Variants in ZNF536 observed in about 807,000 individuals in gnomAD.
ZNF536 encodes zinc finger protein 536.
Under a neutral mutation model 84.5 loss-of-function variants are expected in ZNF536, and 13 were observed. The observed-to-expected ratio is 0.15, with a 90% CI of 0.10 to 0.24. The LOEUF (loss-of-function observed/expected upper bound fraction) is 0.24, where lower values mean the gene tolerates loss of function less well. ZNF536 is among the 10% of genes least tolerant of loss of function. The pLI is 1.00. For synonymous variants in ZNF536, 811 were observed against 742.5 expected, an observed-to-expected ratio of 1.09 and a Z score of -1.50; for missense variants, 1,536 against 1,747.5, an observed-to-expected ratio of 0.88 and a Z score of 2.16.
intron 1 of ZNF536, among the ~76,000 whole-genome samples, chr19:30,702,146 T>C (rs1186220479): frequency 6.6e-6 from 1 of 152,236 alleles, no homozygotes; most frequent in Non-Finnish European, 1.5e-5. Flanking sequence ...AGGCATTTTC[T>C]ACTCCCCCTT....
rs201307161 is a variant in ZNF536 at position 30,564,223 on chromosome 19, T to C, written c.169+14709T>C. On this transcript the variant is annotated intron_variant, in intron 1 of 1. Transcript: ENST00000592773. ...GTTGGCACATGCCTGTGCTCCCAGC[T>C]ACTCAGGAGGCTGAGGCAGGAGGAT... 3.9e-5 allele frequency among the ~76,000 whole-genome samples: 6 copies of C among 152,034 alleles called. No individual in the cohort carries two copies. In the East Asian group the frequency reaches 9.7e-4, roughly 25 times the overall value.
intron 1 of ZNF536, among the ~76,000 whole-genome samples, chr19:30,383,540 G>GC (rs11398660): frequency 1 from 151,877 of 151,882 alleles, 75,936 homozygotes; most frequent in Middle Eastern, 1. Context: ...CATGCCTGTG[G>GC]CCCAGGGCCT....
At chr19:30,588,121 C>T (rs1168862748) in intron 1 of ZNF536, among the ~76,000 whole-genome samples, 2 of 152,222 alleles carry the variant, frequency 1.3e-5, no homozygotes. Context: ...TGCTTTGAAT[C>T]ACAGATGCAC....
rs754329655 is a variant in ZNF536 at position 30,557,108 on chromosome 19, G to A, written c.3896-49G>A. 3.7e-6 allele frequency: 6 copies of A among 1,611,208 alleles called. No individual in the cohort carries two copies. The Admixed American group carries it at 5.0e-5, about 13-fold the overall frequency. ...CTGCCCTTGCTTTCAAATGCCTCTA[G>A]CCCTGATGGTTTCTGGATTATTTAA... On this transcript the variant is annotated intron_variant, in intron 4 of 4. Transcript: ENST00000355537.
At chr19:30,392,325 A>C (rs2049627961) in intron 1 of ZNF536, among the ~76,000 whole-genome samples, 1 of 152,136 alleles carries the variant, frequency 6.6e-6, no homozygotes, top group Admixed American at 6.5e-5. Context: ...TAAAATATGA[A>C]GGGAGGTTAG....
intron 2 of ZNF536, among the ~76,000 whole-genome samples, chr19:30,530,464 A>G (rs996528572): frequency 3.9e-5 from 6 of 152,144 alleles, no homozygotes; most frequent in Admixed American, 1.3e-4. Flanking sequence ...CTCCTGCCTC[A>G]GTCTCCCAAG....
intron 1 of ZNF536, among the ~76,000 whole-genome samples, chr19:30,704,647 C>CAAAAAA (rs970475752): frequency 9.4e-5 from 5 of 53,448 alleles, no homozygotes; most frequent in Admixed American, 2.2e-4. Context: ...GAGTCCATCT[C>CAAAAAA]AAAAAAAAAA....
intron 1 of ZNF536, among the ~76,000 whole-genome samples, chr19:30,599,163 C>A (rs1169969910): frequency 8.2e-6 from 1 of 122,402 alleles, no homozygotes; most frequent in African/African-American, 3.2e-5. Flanking sequence ...CTCACCCTTC[C>A]CTCTTTCCCT....
intron 1 of ZNF536, among the ~76,000 whole-genome samples, chr19:30,647,964 G>A (rs933683932): frequency 1.3e-5 from 2 of 152,168 alleles, no homozygotes; most frequent in East Asian, 1.9e-4. Flanking sequence ...TCTCTCATAT[G>A]AAGTCAGCTT....
intron 1 of ZNF536, among the ~76,000 whole-genome samples, chr19:30,614,472 G>A (rs1246156378): frequency 2.6e-5 from 4 of 151,920 alleles, no homozygotes; most frequent in African/African-American, 9.7e-5. Flanking sequence ...GGGGGAGAGA[G>A]AGAGAGAGAG....
intron 1 of ZNF536, among the ~76,000 whole-genome samples, chr19:30,271,743 C>T (rs906493749): frequency 1.3e-5 from 2 of 152,122 alleles, no homozygotes; most frequent in Non-Finnish European, 2.9e-5. Context: ...AGAGTCTCCA[C>T]TTGTGAGAGT....
intron 1 of ZNF536, among the ~76,000 whole-genome samples, chr19:30,644,518 C>G (rs924649246): frequency 6.6e-6 from 1 of 152,136 alleles, no homozygotes; most frequent in Admixed American, 6.5e-5. Flanking sequence ...CCTCCCCCAT[C>G]CTCCCACCCC....
chr19:30,618,063 A>G (rs1363003887), intron 1 of ZNF536, among the ~76,000 whole-genome samples: 1 of 152,160 alleles, frequency 6.6e-6, no homozygotes. Context: ...CCTAGTTTTT[A>G]AGTACTTGAT....
At chr19:30,373,753 C>T (rs1018066989) in intron 1 of ZNF536, among the ~76,000 whole-genome samples, 1 of 152,162 alleles carries the variant, frequency 6.6e-6, no homozygotes, top group African/African-American at 2.4e-5. Context: ...GAGAAAGCCC[C>T]GGCAAATCTG....
At chr19:30,325,028 A>AACC (rs1484136419) in intron 2 of ZNF536, among the ~76,000 whole-genome samples, 5 of 152,150 alleles carry the variant, frequency 3.3e-5, no homozygotes, top group Non-Finnish European at 5.9e-5. Flanking sequence ...CTTGTTCTAG[A>AACC]ACCATCCACG....
intron 1 of ZNF536, among the ~76,000 whole-genome samples, chr19:30,701,898 C>G (rs2052000591): frequency 6.6e-6 from 1 of 152,242 alleles, no homozygotes; most frequent in Non-Finnish European, 1.5e-5. Context: ...CATGCTGATG[C>G]ACTTTGATGA....
chr19:30,505,815 G>A (rs1245132372), intron 2 of ZNF536, among the ~76,000 whole-genome samples: 2 of 151,802 alleles, frequency 1.3e-5, no homozygotes, highest in African/African-American at 2.4e-5. Context: ...ACAGACATGC[G>A]CCAACGCACC....
At chr19:30,558,621 C>T (rs948146739), downstream of ZNF536, among the ~76,000 whole-genome samples, 2 of 152,144 alleles carry the variant, frequency 1.3e-5, no homozygotes, top group African/African-American at 4.8e-5. Flanking sequence ...CAGGCTTTTG[C>T]CTGTTGTTCC....
At chr19:30,613,965 C>T (rs1000480524) in intron 1 of ZNF536, among the ~76,000 whole-genome samples, 25 of 152,310 alleles carry the variant, frequency 1.6e-4, no homozygotes, top group African/African-American at 4.6e-4. Context: ...TGCGTTAAAG[C>T]GATTCTTCTG....
Sources: gnomAD v4.1 joint callset for allele counts (sites outside exome capture counted in the v4.1 genomes callset) on GRCh38, gnomAD v4.1.1 for gene constraint, MANE v1.5 for transcripts, NCBI Gene and HGNC (gene_info 2026-07-23, HGNC 2026-07-21) for gene names.